The following VPS33B variants were observed in gnomAD, a reference collection of about 807,000 sequenced individuals.
VPS33B encodes VPS33B late endosome and lysosome associated.
In VPS33B, 80 loss-of-function variants were observed where a neutral mutation model predicts 95.3. The ratio of observed to expected loss-of-function variants is 0.84; its 90% confidence interval spans 0.70 to 1.01. The LOEUF is 1.01. VPS33B is among the 50% of genes least tolerant of loss of function. The pLI is 0.00. For missense variants in VPS33B, 715 were observed against 773.4 expected, an observed-to-expected ratio of 0.92 and a Z score of 0.90; for synonymous variants, 280 against 280.4, an observed-to-expected ratio of 1.00 and a Z score of 0.01.
At position 91,015,506 on chromosome 15, in the gene VPS33B, TC is replaced by T. The variant is rs2040899332; in HGVS notation, c.240-1074del. On this transcript the variant is annotated intron_variant, in intron 3 of 22. Coordinates refer to ENST00000333371, the MANE Select transcript of VPS33B (RefSeq NM_018668.5). The surrounding 1 kb of genome is among the most constrained non-coding windows in gnomAD (Gnocchi z 4.7). ...ACCAGCCTGGCCAACATAGAGAAAC[TC>T]CATCTCTACTAAAAATACAAAAATT... 6.7e-6 allele frequency among the ~76,000 whole-genome samples: 1 copy of T among 149,774 alleles called. No homozygotes were observed. Among genetic ancestry groups the T allele is most frequent in the Non-Finnish European group, 1.5e-5 (1 of 67,376 alleles).
intron 1 of VPS33B, among the ~76,000 whole-genome samples, chr15:91,020,428 T>C (rs2041069749): frequency 6.6e-6 from 1 of 152,174 alleles, no homozygotes; most frequent in African/African-American, 2.4e-5. Context: ...GGAAATCCAC[T>C]TTGGCCATGC....
Position 91,006,074 on chromosome 15 carries a change from A to C in VPS33B, c.853-15T>G. The C allele has an allele frequency of 6.2e-7, 1 of 1,613,696 alleles. No homozygotes were observed. Among genetic ancestry groups the C allele is most frequent in the Non-Finnish European group, 8.5e-7 (1 of 1,179,642 alleles). On this transcript the variant is annotated splice_polypyrimidine_tract_variant and intron_variant, in intron 11 of 22. Coordinates refer to ENST00000333371, the MANE Select transcript of VPS33B (RefSeq NM_018668.5). This position sits in a 1 kb window ranked among gnomAD's most constrained non-coding sequence, Gnocchi z 5.4. Reference sequence around the variant, plus strand: ...TCATTAAACACCTGTGAGGACAGTAAGACAAGAACAGCTTACTCTGTCAGA... The same window carrying C: ...TCATTAAACACCTGTGAGGACAGTACGACAAGAACAGCTTACTCTGTCAGA...
intron 6 of VPS33B, among the ~76,000 whole-genome samples, chr15:91,008,501 G>C (rs1166853706): frequency 6.6e-6 from 1 of 152,198 alleles, no homozygotes; most frequent in Non-Finnish European, 1.5e-5. Flanking sequence ...CTGACCTCTG[G>C]TGATCTGCCT....
rs750764857 is a variant in VPS33B, at chr15:91,013,862, T to C, written c.299A>G (p.Asn100Ser). 4.2e-5 allele frequency: 67 copies of C among 1,613,964 alleles called. No individual in the cohort carries two copies. The highest frequency in any genetic ancestry group is 1.7e-5 in the Admixed American group (1 of 60,000). Reference protein sequence around the residue: ...KNMRYIASLVNADKLAGRTRK... With the variant: ...KNMRYIASLVSADKLAGRTRK... ...AGTTCGGCCAGCCAATTTGTCAGCATTGACAAGACCTACAGAGAGAAGGAA... is the reference window on the plus strand; with the variant it reads ...AGTTCGGCCAGCCAATTTGTCAGCACTGACAAGACCTACAGAGAGAAGGAA... The change falls in exon 5 of 23, where the codon AAT (asparagine) becomes AGT (serine). Residue 100 changes from asparagine to serine, a missense_variant. Transcript: ENST00000333371. The surrounding 1 kb of genome is among the most constrained non-coding windows in gnomAD (Gnocchi z 4.5).
Position 91,007,512 on chromosome 15 carries a change from T to C in VPS33B, c.560A>G (p.Tyr187Cys), listed in dbSNP as rs764478785. The C allele has an allele frequency of 6.2e-7, 1 of 1,614,180 alleles. No homozygotes were observed. The highest frequency in any genetic ancestry group is 1.1e-5 in the South Asian group (1 of 91,086). Residue 187 changes from tyrosine to cysteine, a missense_variant, in exon 8 of 23, where the codon TAT becomes TGT. By Grantham distance (194) the Tyr-to-Cys change is radical. Coordinates refer to ENST00000333371, the MANE Select transcript of VPS33B (RefSeq NM_018668.5). This position sits in a 1 kb window ranked among gnomAD's most constrained non-coding sequence, Gnocchi z 5.3. ...AQALHLLSTL[Y>C]GPFPNCYGIG... Reference sequence around the variant, plus strand: ...TCCATAGCAGTTTGGAAAGGGTCCATAGAGAGTGCTGAGAAGGTGTAAGGC... The same window carrying C: ...TCCATAGCAGTTTGGAAAGGGTCCACAGAGAGTGCTGAGAAGGTGTAAGGC...
chr15:91,012,152 A>G (rs2040801503), intron 5 of VPS33B, among the ~76,000 whole-genome samples: 1 of 152,168 alleles, frequency 6.6e-6, no homozygotes, highest in South Asian at 2.1e-4. Flanking sequence ...AAGTACCTAT[A>G]ATTCTGAGTG....
Position 90,998,919 on chromosome 15 carries a change from T to C in VPS33B, c.*56A>G. 6.3e-7 allele frequency: 1 copy of C among 1,585,250 alleles called. No individual in the cohort carries two copies. Among genetic ancestry groups the C allele is most frequent in the South Asian group, 1.1e-5 (1 of 88,776 alleles). On this transcript the variant is annotated 3_prime_UTR_variant, in exon 23 of 23. Coordinates refer to ENST00000333371, the MANE Select transcript of VPS33B (RefSeq NM_018668.5). The surrounding 1 kb of genome is among the most constrained non-coding windows in gnomAD (Gnocchi z 4.8). Reference sequence around the variant, plus strand: ...TTATAGCAGCTGGGTGCCAGATGCCTGCATCTCACTGAGGAATGTGTTCAG... The same window carrying C: ...TTATAGCAGCTGGGTGCCAGATGCCCGCATCTCACTGAGGAATGTGTTCAG...
intron 3 of VPS33B, among the ~76,000 whole-genome samples, chr15:91,016,540 C>T (rs1443554106): frequency 2.0e-5 from 3 of 151,898 alleles, no homozygotes; most frequent in Non-Finnish European, 4.4e-5. Flanking sequence ...CACGCCACCA[C>T]ACCTGGCTAA....
intron 5 of VPS33B, among the ~76,000 whole-genome samples, chr15:91,012,246 G>T (rs971101855): frequency 1.3e-5 from 2 of 152,090 alleles, no homozygotes; most frequent in Non-Finnish European, 2.9e-5. Flanking sequence ...ATAAATATTT[G>T]TAAGATTGTG....
rs752374405 is a variant in VPS33B, at chr15:91,001,447, G to A, written c.1421C>T (p.Ala474Val). 9 of 1,614,016 alleles carry A rather than the reference G, an allele frequency of 5.6e-6. No homozygotes were observed. In the South Asian group the frequency reaches 8.8e-5, roughly 16 times the overall value. ...GCTCCTCTTGGCCAGAGAACTGAAG[G>A]CATCAGTAATCTTTCCTGGGGAAGA... ...TDKAAGKITD[A>V]FSSLAKRSNF... Residue 474 changes from alanine (A) to valine (V), a missense_variant, in exon 19 of 23, where the codon GCC becomes GTC. Physicochemically the swap from Ala to Val is moderately conservative, Grantham distance 64. Transcript: ENST00000333371.
In VPS33B at chr15:91,022,077, G is replaced by A. The variant is rs2041119117; in HGVS notation, c.96+77C>T. ...CCAGGGGCCAAGAACAAGATCAAAGGGGCACGGCAAGGAAGAAATGTGCAT... is the reference window on the plus strand; with the variant it reads ...CCAGGGGCCAAGAACAAGATCAAAGAGGCACGGCAAGGAAGAAATGTGCAT... On this transcript the variant is annotated intron_variant, in intron 1 of 22. Coordinates refer to ENST00000333371, the MANE Select transcript of VPS33B (RefSeq NM_018668.5). 2.0e-6 allele frequency: 3 copies of A among 1,492,212 alleles called. No individual in the cohort carries two copies. The South Asian group carries it at 3.6e-5, about 18-fold the overall frequency. The allele number at this position is 1,492,212 out of a possible 1,614,324, so 92.4% of individuals were successfully genotyped here. A position where few individuals can be genotyped will look rare whatever the true frequency, so the allele number is the denominator to read the frequency against.
chr15:91,007,475 G>A lies in VPS33B; in HGVS notation c.597C>T (p.Cys199=), dbSNP rs60198611. The A allele has an allele frequency of 2.9e-3, 4,693 of 1,614,106 alleles. 122 individuals carry two copies. The African/African-American group carries it at 0.056, about 19-fold the overall frequency. Residue 199 remains cysteine, a synonymous_variant, in exon 8 of 23, where the codon TGC becomes TGT. Coordinates refer to ENST00000333371, the MANE Select transcript of VPS33B (RefSeq NM_018668.5). This position sits in a 1 kb window ranked among gnomAD's most constrained non-coding sequence, Gnocchi z 5.3. ...PFPNCYGIGR[C]AKMAYELWRN... is the part of the protein sequence containing the mutation. ...GTACTGCTAGTGCTCTTACCTTGGC[G>A]CACCTGCCAATTCCATAGCAGTTTG... is the stretch of plus-strand genomic sequence containing the variant.
In VPS33B at chr15:91,011,784, T is replaced by C. The variant is rs139759500; in HGVS notation, c.358-1938A>G. Among the ~76,000 whole-genome samples, 133 of 152,254 alleles carry C rather than the reference T, an allele frequency of 8.7e-4. 1 individual carries two copies. The highest frequency in any genetic ancestry group is 3.2e-3 in the African/African-American group (131 of 41,540). On this transcript the variant is annotated intron_variant, in intron 5 of 22. Coordinates refer to ENST00000333371, the MANE Select transcript of VPS33B (RefSeq NM_018668.5). This position sits in a 1 kb window ranked among gnomAD's most constrained non-coding sequence, Gnocchi z 5.5. ...GGGCAGATTGCCTGAGCTCAGGAAT[T>C]TGAGACCAGCTTGGGCAATATGGCA...
intron 3 of VPS33B, among the ~76,000 whole-genome samples, chr15:91,014,923 T>C (rs575137130): frequency 1.3e-5 from 2 of 152,028 alleles, no homozygotes; most frequent in African/African-American, 4.8e-5. Context: ...CTCATCTCTA[T>C]TAAAAATAAT....
At chr15:91,008,544 T>C (rs946061434) in intron 6 of VPS33B, among the ~76,000 whole-genome samples, 5 of 152,138 alleles carry the variant, frequency 3.3e-5, no homozygotes, top group African/African-American at 1.2e-4. Flanking sequence ...GGATTACAGG[T>C]GTGAGCCACC....
At chr15:91,016,536 A>C (rs2040933188) in intron 3 of VPS33B, among the ~76,000 whole-genome samples, 1 of 151,806 alleles carries the variant, frequency 6.6e-6, no homozygotes. Flanking sequence ...GGCACACGCC[A>C]CCACACCTGG....
At position 91,000,538 on chromosome 15, in the gene VPS33B, G is replaced by A. The variant is rs774229913; in HGVS notation, c.1533C>T (p.Tyr511=). The change falls in exon 20 of 23, where the codon TAC becomes TAT. Residue 511 remains tyrosine (Y), a synonymous_variant. Transcript: ENST00000333371. This position sits in a 1 kb window ranked among gnomAD's most constrained non-coding sequence, Gnocchi z 4.9. ...GGGGCACATAAGCACCACCGAAGACGTAAGCCATGTCTCGGGGCACTTTCA... is the reference window on the plus strand; with the variant it reads ...GGGGCACATAAGCACCACCGAAGACATAAGCCATGTCTCGGGGCACTTTCA... ...YDLKVPRDMA[Y]VFGGAYVPLS... is the part of the protein sequence containing the mutation. The A allele has an allele frequency of 3.1e-6, 5 of 1,613,422 alleles. No homozygotes were observed. Among genetic ancestry groups the A allele is most frequent in the East Asian group, 2.2e-5 (1 of 44,842 alleles).
intron 3 of VPS33B, 49 bp from the exon 4 acceptor site, chr15:91,014,482 G>C (rs1252853895): frequency 6.3e-7 from 1 of 1,594,638 alleles, no homozygotes; most frequent in East Asian, 2.2e-5. Flanking sequence ...TATCAAGTTG[G>C]ATAGCAACTT....
At chr15:91,016,852 A>T in intron 3 of VPS33B, 111 bp downstream of exon 3, 1 of 1,042,492 alleles carries the variant, frequency 9.6e-7, no homozygotes, top group Non-Finnish European at 1.5e-6. Flanking sequence ...ATGAAATTGT[A>T]AAGTTCAGGG....
Sources: gnomAD v4.1 joint callset for allele counts (sites outside exome capture counted in the v4.1 genomes callset) on GRCh38, gnomAD v4.1.1 for gene constraint, Gnocchi (gnomAD v3.1) non-coding constraint, MANE v1.5 for transcripts, NCBI Gene and HGNC (gene_info 2026-07-23, HGNC 2026-07-21) for gene names.